VPS13B: variants seen among roughly 807,000 people sequenced by gnomAD.
VPS13B encodes the protein vacuolar protein sorting 13 homolog B.
A neutral mutation model predicts 426.4 loss-of-function variants in VPS13B; 285 were observed. That is an observed-to-expected ratio of 0.67 (90% CI 0.61 to 0.74). VPS13B has a LOEUF of 0.74. Ranked by LOEUF, VPS13B falls within the 30% of genes least tolerant of loss-of-function variation. The pLI is 0.00. For synonymous variants in VPS13B, 1,676 were observed against 1,676.4 expected (o/e 1.00, Z 0.01); for missense variants, 4,537 against 4,782.6 (o/e 0.95, Z 1.51).
chr8:99,014,080 T>C (rs1841463448), intron 2 of VPS13B, 145 bp downstream of exon 2: 1 of 805,054 alleles, frequency 1.2e-6, no homozygotes, highest in Non-Finnish European at 1.9e-6. Context: ...AAGGGGGCTT[T>C]ATTTTACACT....
chr8:99,564,756 A>C (rs1217262728), intron 31 of VPS13B, among the ~76,000 whole-genome samples: 1 of 152,262 alleles, frequency 6.6e-6, no homozygotes, highest in Non-Finnish European at 1.5e-5. Flanking sequence ...CAAAAACTAC[A>C]GTAAACTAAA....
intron 7 of VPS13B, among the ~76,000 whole-genome samples, chr8:99,117,918 G>T (rs1387860981): frequency 2.0e-5 from 3 of 151,918 alleles, no homozygotes; most frequent in African/African-American, 7.3e-5. Context: ...TTTAAATGTT[G>T]AATTTTATGC....
intron 54 of VPS13B, among the ~76,000 whole-genome samples, chr8:99,838,718 G>A (rs1394942928): frequency 2.0e-5 from 3 of 152,240 alleles, no homozygotes; most frequent in African/African-American, 7.2e-5. Flanking sequence ...AAAGAGCTAT[G>A]CAGGAAAGGT....
At chr8:99,281,701 G>A (rs149405247) in intron 19 of VPS13B, among the ~76,000 whole-genome samples, 55 of 152,310 alleles carry the variant, frequency 3.6e-4, no homozygotes, top group African/African-American at 1.3e-3. Context: ...GTCTTCTGCA[G>A]CCTTCATGAA....
chr8:99,842,702 A>C (rs1188716883), intron 54 of VPS13B, among the ~76,000 whole-genome samples: 1 of 152,204 alleles, frequency 6.6e-6, no homozygotes, highest in Non-Finnish European at 1.5e-5. Context: ...ATTCTAAAAA[A>C]TTTGTTACAT....
intron 17 of VPS13B, among the ~76,000 whole-genome samples, chr8:99,248,488 T>A (rs917277199): frequency 2.6e-5 from 4 of 152,162 alleles, no homozygotes; most frequent in Non-Finnish European, 2.9e-5. Context: ...GTACAATAAC[T>A]CTCTTTAGGA....
chr8:99,061,298 T>TTC (rs1201927408), intron 3 of VPS13B, among the ~76,000 whole-genome samples: 2 of 147,128 alleles, frequency 1.4e-5, no homozygotes, highest in African/African-American at 2.5e-5. Context: ...CTAATTTTCT[T>TTC]TTTTTTTTTT....
In VPS13B at chr8:99,525,008, A is replaced by C. The variant is rs548433007; in HGVS notation, c.4745+3998A>C. On this transcript the variant is annotated intron_variant, in intron 30 of 61. Transcript: ENST00000357162. ...ACAAAAGCTAAAGGATTTCATCAAC[A>C]TGAGACCTGTCCTACAAGAAATGCT... Among the ~76,000 whole-genome samples the C allele has an allele frequency of 4.6e-5, 7 of 152,358 alleles. No homozygotes were observed. The East Asian group carries it at 1.3e-3, about 29-fold the overall frequency.
chr8:99,189,704 C>A (rs1277626990), intron 16 of VPS13B, among the ~76,000 whole-genome samples: 5 of 151,762 alleles, frequency 3.3e-5, no homozygotes, highest in African/African-American at 1.2e-4. Context: ...TTTTGTATTT[C>A]TAGATTTTAT....
chr8:99,443,587 G>A lies in VPS13B; in HGVS notation c.3445+952G>A, dbSNP rs541121176. ...AAAGGGAATGTTTTTAGAGTATATG[G>A]TCTTTTTGTGACTGGTTTCTTTCAT... On this transcript the variant is annotated intron_variant, in intron 23 of 61. Transcript: ENST00000357162. Among the ~76,000 whole-genome samples the A allele has an allele frequency of 9.9e-5, 15 of 152,146 alleles. No homozygotes were observed. In the South Asian group the frequency reaches 3.1e-3, roughly 32 times the overall value.
intron 15 of VPS13B, among the ~76,000 whole-genome samples, chr8:99,163,837 A>T (rs990422879): frequency 3.3e-5 from 5 of 152,184 alleles, no homozygotes; most frequent in African/African-American, 4.8e-5. Context: ...CAGCCCAGAA[A>T]GGGGCTCCCA....
chr8:99,847,075 T>C (rs1309141170), intron 54 of VPS13B, among the ~76,000 whole-genome samples: 1 of 152,256 alleles, frequency 6.6e-6, no homozygotes, highest in Non-Finnish European at 1.5e-5. Flanking sequence ...AGAATATCTC[T>C]TTTGTTTTAG....
At chr8:99,721,532 C>G (rs1833133631) in intron 39 of VPS13B, among the ~76,000 whole-genome samples, 1 of 152,128 alleles carries the variant, frequency 6.6e-6, no homozygotes. Flanking sequence ...TGATCATATT[C>G]CCTAAGGTTT....
chr8:99,485,695 G>T (rs1444047053), intron 25 of VPS13B, among the ~76,000 whole-genome samples: 3 of 152,106 alleles, frequency 2.0e-5, no homozygotes, highest in Non-Finnish European at 1.5e-5. Context: ...GTGGCTAATA[G>T]AAAATATTCT....
chr8:99,508,297 A>G (rs1368526563), intron 28 of VPS13B, among the ~76,000 whole-genome samples: 1 of 152,116 alleles, frequency 6.6e-6, no homozygotes, highest in Non-Finnish European at 1.5e-5. Flanking sequence ...CAACTAATTC[A>G]AAGTAACTTG....
intron 33 of VPS13B, among the ~76,000 whole-genome samples, chr8:99,626,082 A>C (rs1269723597): frequency 6.6e-6 from 1 of 152,234 alleles, no homozygotes; most frequent in Non-Finnish European, 1.5e-5. Context: ...AGAAGAAAAC[A>C]TAGGAGTAAT....
At chr8:99,627,365 A>G (rs1828655229) in intron 33 of VPS13B, among the ~76,000 whole-genome samples, 1 of 152,134 alleles carries the variant, frequency 6.6e-6, no homozygotes, top group South Asian at 2.1e-4. Context: ...AAGATGGTGG[A>G]TATGTTAATT....
rs553586222 is a variant in VPS13B, at chr8:99,819,850, T to G, written c.8793-71T>G. ...GCAGGAGCATGGTGTGTTTGGAATCTTTAAACATATTTCACAAATATTAAA... is the reference window on the plus strand; with the variant it reads ...GCAGGAGCATGGTGTGTTTGGAATCGTTAAACATATTTCACAAATATTAAA... On this transcript the variant is annotated intron_variant, in intron 48 of 61. Coordinates refer to ENST00000357162, the MANE Select transcript of VPS13B (RefSeq NM_152564.5). 3,997 of 1,572,598 alleles carry G rather than the reference T, an allele frequency of 2.5e-3. 7 individuals are homozygous for G. Among genetic ancestry groups the G allele is most frequent in the Non-Finnish European group, 3.1e-3 (3,548 of 1,144,100 alleles).
chr8:99,680,974 TG>T (rs976425212), intron 35 of VPS13B, among the ~76,000 whole-genome samples: 1 of 152,220 alleles, frequency 6.6e-6, no homozygotes, highest in African/African-American at 2.4e-5. Flanking sequence ...AAATGTGGCT[TG>T]CTCAATTTTT....
Sources: gnomAD v4.1 joint callset for allele counts (sites outside exome capture counted in the v4.1 genomes callset) on GRCh38, gnomAD v4.1.1 for gene constraint, MANE v1.5 for transcripts, NCBI Gene and HGNC (gene_info 2026-07-23, HGNC 2026-07-21) for gene names.